ASXL2: variants seen among roughly 807,000 people sequenced by gnomAD.
ASXL2 encodes putative Polycomb group protein ASXL2.
A neutral mutation model predicts 122.0 loss-of-function variants in ASXL2; 23 were observed. The observed-to-expected ratio is 0.19, with a 90% CI of 0.14 to 0.27. The LOEUF is 0.27. ASXL2 is among the 10% of genes least tolerant of loss of function. The pLI is 1.00. For missense variants in ASXL2, 1,518 were observed against 1,713.8 expected (o/e 0.89, Z 2.02); for synonymous variants, 650 against 637.0 (o/e 1.02, Z -0.31).
chr2:25,870,506 C>T (rs1470409031), intron 1 of ASXL2, among the ~76,000 whole-genome samples: 1 of 152,016 alleles, frequency 6.6e-6, no homozygotes, highest in East Asian at 1.9e-4. Context: ...CGCCAGGCTC[C>T]GTTTAAAAAC....
At chr2:25,877,864 G>A (rs1238633341) in intron 1 of ASXL2, among the ~76,000 whole-genome samples, 2 of 152,218 alleles carry the variant, frequency 1.3e-5, no homozygotes, top group East Asian at 3.9e-4. Context: ...ACTTCCCCGT[G>A]CCGGGGCGAG....
Position 25,749,922 on chromosome 2 carries a change from C to G in ASXL2, c.1634G>C (p.Gly545Ala). ...KPIVKPTAGA[G>A]PQETNMKEPL... ...TTCTTTCATATTAGTCTCCTGTGGACCCGCTCCTGCTGTGGGCTTCACTAT... is the reference window on the plus strand; with the variant it reads ...TTCTTTCATATTAGTCTCCTGTGGAGCCGCTCCTGCTGTGGGCTTCACTAT... The change falls in exon 12 of 13, where the codon GGT becomes GCT. Residue 545 changes from glycine (G) to alanine (A), a missense_variant. By Grantham distance (60) the Gly-to-Ala change is moderately conservative (BLOSUM62 0). This residue lies in a region of ASXL2 where 292 missense variants were observed against 293.5 expected (regional missense o/e 1.00). Transcript: ENST00000435504. The G allele has an allele frequency of 6.2e-7, 1 of 1,613,858 alleles. No individual in the cohort carries two copies. Among genetic ancestry groups the G allele is most frequent in the Non-Finnish European group, 8.5e-7 (1 of 1,179,850 alleles).
At chr2:25,814,162 T>A (rs1344244045) in intron 3 of ASXL2, among the ~76,000 whole-genome samples, 1 of 152,196 alleles carries the variant, frequency 6.6e-6, no homozygotes, top group Non-Finnish European at 1.5e-5. Context: ...ACCTACAAGA[T>A]ATACAGGACA....
chr2:25,751,879 T>A (rs2088053245), intron 11 of ASXL2, among the ~76,000 whole-genome samples: 1 of 152,078 alleles, frequency 6.6e-6, no homozygotes, highest in African/African-American at 2.4e-5. Flanking sequence ...CTCCCAGGTT[T>A]AAACGATTCT....
At chr2:25,793,905 C>T (rs2088873529) in intron 5 of ASXL2, among the ~76,000 whole-genome samples, 1 of 152,196 alleles carries the variant, frequency 6.6e-6, no homozygotes, top group Non-Finnish European at 1.5e-5. Flanking sequence ...AAAGCCCTAA[C>T]AGTGTAGCCA....
At chr2:25,792,378 T>A (rs981137740) in intron 5 of ASXL2, among the ~76,000 whole-genome samples, 1 of 152,224 alleles carries the variant, frequency 6.6e-6, no homozygotes, top group African/African-American at 2.4e-5. Context: ...TTTTTAGGAT[T>A]ATAACTTTAT....
Position 25,743,852 on chromosome 2 carries a change from G to C in ASXL2, c.2485C>G (p.Gln829Glu), listed in dbSNP as rs1574390728. ...SHPQGPSSCR[Q>E]EKAPSPTGPA... ...CCTGTTGGAGAAGGTGCTTTCTCCT[G>C]TCTGCAACTACTGGGCCCTTGTGGA... Residue 829 changes from glutamine (Q) to glutamate (E), a missense_variant, in exon 13 of 13, where the codon CAG becomes GAG. Physicochemically the swap from Gln to Glu is conservative, Grantham distance 29 (BLOSUM62 2). This residue lies in a region of ASXL2 where 831 missense variants were observed against 833.1 expected (regional missense o/e 1.00). Transcript: ENST00000435504. 6.2e-7 allele frequency: 1 copy of C among 1,614,024 alleles called. No homozygotes were observed. The highest frequency in any genetic ancestry group is 2.2e-5 in the East Asian group (1 of 44,878).
intron 1 of ASXL2, among the ~76,000 whole-genome samples, chr2:25,851,043 G>A (rs1184546954): frequency 2.0e-5 from 3 of 152,036 alleles, no homozygotes; most frequent in African/African-American, 7.2e-5. Flanking sequence ...GAAGGCTGAG[G>A]CAGGAGGCAG....
At position 25,759,336 on chromosome 2, in the gene ASXL2, A is replaced by C. The variant is rs536757286; in HGVS notation, c.939+146T>G. The C allele has an allele frequency of 1.1e-4, 82 of 738,922 alleles. 1 individual carries two copies. The East Asian group carries it at 1.7e-3, about 15-fold the overall frequency. 45.8% of individuals were successfully genotyped at this position (738,922 alleles called of 1,614,324 possible). On this transcript the variant is annotated intron_variant, in intron 9 of 12. Coordinates refer to ENST00000435504, the MANE Select transcript of ASXL2 (RefSeq NM_018263.6). ...GTCATCTTGAAATTCTGGTAGGAGA[A>C]TTTTTTTTTCCTAAGCCTTAAAAAA...
intron 3 of ASXL2, among the ~76,000 whole-genome samples, chr2:25,822,157 T>C (rs1271258748): frequency 7.5e-6 from 1 of 133,988 alleles, no homozygotes; most frequent in Non-Finnish European, 1.7e-5. Context: ...AAAAGAAACT[T>C]GTAGATAATA....
chr2:25,810,559 C>T (rs772231746), intron 3 of ASXL2: 238 of 720,346 alleles, frequency 3.3e-4, no homozygotes, highest in Non-Finnish European at 4.9e-4. Context: ...TTCAGCTTCT[C>T]GCTGGAGGTG....
intron 5 of ASXL2, among the ~76,000 whole-genome samples, chr2:25,785,136 G>A (rs7560429): frequency 0.28 from 42,212 of 152,034 alleles, 6,168 homozygotes; most frequent in African/African-American, 0.33. Flanking sequence ...TATTTATGAT[G>A]AATTTAATTA....
chr2:25,851,615 AT>A (rs1413320813), intron 1 of ASXL2, among the ~76,000 whole-genome samples: 1 of 152,210 alleles, frequency 6.6e-6, no homozygotes, highest in Non-Finnish European at 1.5e-5. Flanking sequence ...TGATAGCTTA[AT>A]ACTTTTTCTG....
At chr2:25,787,802 C>A (rs2088772690) in intron 5 of ASXL2, among the ~76,000 whole-genome samples, 1 of 152,142 alleles carries the variant, frequency 6.6e-6, no homozygotes, top group Non-Finnish European at 1.5e-5. Flanking sequence ...TAAAACTGAT[C>A]TATAGATTCA....
At chr2:25,827,264 C>T (rs1260032376) in intron 3 of ASXL2, among the ~76,000 whole-genome samples, 2 of 152,080 alleles carry the variant, frequency 1.3e-5, no homozygotes, top group African/African-American at 2.4e-5. Flanking sequence ...TATGAACTCT[C>T]GAAATTTAAT....
At chr2:25,793,179 C>T (rs571584941) in intron 5 of ASXL2, among the ~76,000 whole-genome samples, 8 of 152,132 alleles carry the variant, frequency 5.3e-5, no homozygotes, top group African/African-American at 1.9e-4. Context: ...TTGCAGTGAT[C>T]TGAGATCATG....
chr2:25,844,387 C>T (rs1281124420), intron 2 of ASXL2, among the ~76,000 whole-genome samples: 1 of 151,940 alleles, frequency 6.6e-6, no homozygotes, highest in Non-Finnish European at 1.5e-5. Flanking sequence ...CTGAGAACAG[C>T]CTGGGCAAAA....
chr2:25,782,623 C>T (rs2088664224), intron 5 of ASXL2, among the ~76,000 whole-genome samples: 1 of 152,128 alleles, frequency 6.6e-6, no homozygotes, highest in South Asian at 2.1e-4. Flanking sequence ...TTGTTCTTGA[C>T]TCATTCTGGC....
intron 1 of ASXL2, among the ~76,000 whole-genome samples, chr2:25,859,703 T>TA (rs1176741906): frequency 6.6e-6 from 1 of 152,172 alleles, no homozygotes; most frequent in African/African-American, 2.4e-5. Context: ...TTCACCAAGA[T>TA]AGACTACATT....
Sources: gnomAD v4.1 joint callset for allele counts (sites outside exome capture counted in the v4.1 genomes callset) on GRCh38, gnomAD v4.1.1 for gene constraint, gnomAD v4.1.1 regional missense constraint, MANE v1.5 for transcripts, NCBI Gene and HGNC (gene_info 2026-07-23, HGNC 2026-07-21) for gene names.